The following MZT1 variants were observed in gnomAD, a reference collection of about 807,000 sequenced individuals.
The protein encoded by MZT1 is mitotic-spindle organizing protein 1.
Under a neutral mutation model 8.5 loss-of-function variants are expected in MZT1, and 8 were observed. The observed-to-expected ratio is 0.94, with a 90% CI of 0.55 to 1.70. The LOEUF (loss-of-function observed/expected upper bound fraction) is 1.70. Among genes scored for constraint, MZT1 ranks in the 40% most tolerant of loss-of-function variants. The pLI, the probability that MZT1 is intolerant of heterozygous loss-of-function variation, is 0.00. For missense variants in MZT1, 93 were observed against 108.6 expected (o/e 0.86, Z 0.64); for synonymous variants, 38 against 42.0 (o/e 0.90, Z 0.37).
chr13:72,718,089 C>T (rs1425402710), intron 2 of MZT1, among the ~76,000 whole-genome samples: 1 of 152,154 alleles, frequency 6.6e-6, no homozygotes, highest in Non-Finnish European at 1.5e-5. Flanking sequence ...AGTTTGAAGG[C>T]CAGAAATCCA....
At position 72,709,489 on chromosome 13, in the gene MZT1, G is replaced by T. The variant is rs1401918773; in HGVS notation, c.*833C>A. On this transcript the variant is annotated 3_prime_UTR_variant, in exon 3 of 3. Transcript: ENST00000377818. Reference sequence around the variant, plus strand: ...TGTAATAAAAGTAAATAGGAATTTTGCATGTTTGTTGTTTCATTTTACAAA... The same window carrying T: ...TGTAATAAAAGTAAATAGGAATTTTTCATGTTTGTTGTTTCATTTTACAAA... 1.3e-5 allele frequency: 2 copies of T among 151,922 alleles called. No homozygotes were observed. Among genetic ancestry groups the T allele is most frequent in the Admixed American group, 6.6e-5 (1 of 15,250 alleles). The allele number at this position is 151,922 out of a possible 1,614,324, so 9.4% of individuals were successfully genotyped here.
At chr13:72,725,830 C>T (rs899973768) in intron 1 of MZT1, among the ~76,000 whole-genome samples, 1 of 151,950 alleles carries the variant, frequency 6.6e-6, no homozygotes, top group African/African-American at 2.4e-5. Context: ...AGAAAATAGG[C>T]TAGAAGTGAG....
At position 72,708,907 on chromosome 13, in the gene MZT1, C is replaced by G. The variant is rs1439587112; in HGVS notation, c.*1415G>C. 1.3e-5 allele frequency: 2 copies of G among 148,382 alleles called. No homozygotes were observed. The highest frequency in any genetic ancestry group is 4.9e-5 in the African/African-American group (2 of 40,494). 9.2% of individuals were successfully genotyped at this position (148,382 alleles called of 1,614,324 possible). A position where few individuals can be genotyped will look rare whatever the true frequency, so the allele number is the denominator to read the frequency against. On this transcript the variant is annotated 3_prime_UTR_variant, in exon 3 of 3. Transcript: ENST00000377818. ...AAACCACTTCAGCTTGTCTGAAAAA[C>G]AAAAAATGCTAGTAAAGAGTGAATG...
Position 72,710,012 on chromosome 13 carries a change from T to C in MZT1, c.*310A>G, listed in dbSNP as rs2032472893. On this transcript the variant is annotated 3_prime_UTR_variant, in exon 3 of 3. Coordinates refer to ENST00000377818, the MANE Select transcript of MZT1 (RefSeq NM_001071775.3). The stretch of plus-strand genomic sequence containing the variant: ...TGGCACAGCAGATGTGCACATCTGA[T>C]AGACAGACTGCTTAGAAAATTAAAG... 5.9e-6 allele frequency: 2 copies of C among 341,668 alleles called. No individual in the cohort carries two copies. Among genetic ancestry groups the C allele is most frequent in the Middle Eastern group, 8.5e-4 (1 of 1,180 alleles). The allele number at this position is 341,668 out of a possible 1,614,324, so 21.2% of individuals were successfully genotyped here. A position where few individuals can be genotyped will look rare whatever the true frequency, so the allele number is the denominator to read the frequency against.
Position 72,727,569 on chromosome 13 carries a change from C to CCGCCGCCGCCCCAG in MZT1, c.20_33dup (p.Ala12LeufsTer12). ...GCATTCAGATTCGCCGCCGCGGCCG[C>CCGCCGCCGCCCCAG]CGCCGCCGCCCCAGCACCGCTGCTA... On this transcript the variant is annotated frameshift_variant, in exon 1 of 3. Coordinates refer to ENST00000377818, the MANE Select transcript of MZT1 (RefSeq NM_001071775.3). LOFTEE classifies it high-confidence loss of function. 3.8e-6 allele frequency: 6 copies of CCGCCGCCGCCCCAG among 1,595,870 alleles called. No homozygotes were observed. The highest frequency in any genetic ancestry group is 5.1e-6 in the Non-Finnish European group (6 of 1,168,012).
At chr13:72,715,911 G>A (rs186657601) in intron 2 of MZT1, among the ~76,000 whole-genome samples, 1 of 151,700 alleles carries the variant, frequency 6.6e-6, no homozygotes, top group African/African-American at 2.4e-5. Flanking sequence ...CTGGTCTCCG[G>A]TTTTTTTGTT....
chr13:72,718,898 AT>A, intron 2 of MZT1, 53 bp downstream of exon 2: 2 of 1,483,506 alleles, frequency 1.3e-6, no homozygotes, highest in South Asian at 1.4e-5. Flanking sequence ...ATCATTAATC[AT>A]TTTTCTAAAT....
intron 2 of MZT1, among the ~76,000 whole-genome samples, chr13:72,711,291 G>A (rs1407440901): frequency 6.6e-6 from 1 of 152,132 alleles, no homozygotes; most frequent in African/African-American, 2.4e-5. Flanking sequence ...CTAATCAAAT[G>A]CACTTAATTA....
chr13:72,712,333 T>C (rs1458339305), intron 2 of MZT1, among the ~76,000 whole-genome samples: 2 of 152,158 alleles, frequency 1.3e-5, no homozygotes, highest in African/African-American at 4.8e-5. Context: ...AATAAATATT[T>C]TGTAGAGATG....
intron 1 of MZT1, among the ~76,000 whole-genome samples, chr13:72,719,422 G>T (rs1174192997): frequency 2.0e-5 from 3 of 152,068 alleles, no homozygotes; most frequent in African/African-American, 7.2e-5. Flanking sequence ...CTTTTAAAAT[G>T]CAGTTTAACT....
chr13:72,713,459 C>A (rs1296153528), intron 2 of MZT1, among the ~76,000 whole-genome samples: 2 of 152,146 alleles, frequency 1.3e-5, no homozygotes, highest in East Asian at 3.9e-4. Flanking sequence ...ATAGTATTTG[C>A]ATATAACCTA....
intron 1 of MZT1, among the ~76,000 whole-genome samples, chr13:72,722,165 G>T (rs904416392): frequency 5.3e-5 from 8 of 152,294 alleles, no homozygotes; most frequent in Non-Finnish European, 1.0e-4. Flanking sequence ...AAAGACAGTG[G>T]TTAGGAGTGT....
chr13:72,709,716 CTGTT>C lies in MZT1; in HGVS notation c.*602_*605del, dbSNP rs1157874053. On this transcript the variant is annotated 3_prime_UTR_variant, in exon 3 of 3. Coordinates refer to ENST00000377818, the MANE Select transcript of MZT1 (RefSeq NM_001071775.3). ...TTCACACTATTAGCTGCCCAACAAA[CTGTT>C]TGAAAAACTAAATATTCTTTGTTCA... 1 of 152,038 alleles carries C rather than the reference CTGTT, an allele frequency of 6.6e-6. No homozygotes were observed. The highest frequency in any genetic ancestry group is 1.5e-5 in the Non-Finnish European group (1 of 67,934). 9.4% of individuals were successfully genotyped at this position (152,038 alleles called of 1,614,324 possible).
At chr13:72,714,537 A>G (rs955773351) in intron 2 of MZT1, among the ~76,000 whole-genome samples, 1 of 152,254 alleles carries the variant, frequency 6.6e-6, no homozygotes, top group East Asian at 1.9e-4. Context: ...ACAACATTTC[A>G]GAGATCTAAG....
intron 2 of MZT1, among the ~76,000 whole-genome samples, chr13:72,717,049 A>C (rs1474237220): frequency 6.6e-6 from 1 of 152,104 alleles, no homozygotes; most frequent in African/African-American, 2.4e-5. Context: ...TCTATCACAT[A>C]CCTAATGTCT....
At position 72,727,164 on chromosome 13, in the gene MZT1, G is replaced by C. The variant is rs560738056; in HGVS notation, c.79+360C>G. ...ATCGGGTGGGACGCGGCACGCAGGAGGGAACGGGTGTACTGGGTGGGGTGG... is the reference window on the plus strand; with the variant it reads ...ATCGGGTGGGACGCGGCACGCAGGACGGAACGGGTGTACTGGGTGGGGTGG... On this transcript the variant is annotated intron_variant, in intron 1 of 2. Coordinates refer to ENST00000377818, the MANE Select transcript of MZT1 (RefSeq NM_001071775.3). Among the ~76,000 whole-genome samples, 47 of 152,358 alleles carry C rather than the reference G, an allele frequency of 3.1e-4. No individual in the cohort carries two copies. The South Asian group carries it at 9.5e-3, about 31-fold the overall frequency.
chr13:72,722,212 G>C (rs2032598834), intron 1 of MZT1, among the ~76,000 whole-genome samples: 1 of 152,162 alleles, frequency 6.6e-6, no homozygotes, highest in South Asian at 2.1e-4. Flanking sequence ...TCAAATTCTA[G>C]CTGTAGTATT....
intron 2 of MZT1, among the ~76,000 whole-genome samples, chr13:72,711,341 C>A (rs1277072194): frequency 6.6e-6 from 1 of 152,042 alleles, no homozygotes; most frequent in African/African-American, 2.4e-5. Context: ...TATAAAGTGG[C>A]CTATTTATGG....
At chr13:72,726,129 G>A (rs1213852712) in intron 1 of MZT1, among the ~76,000 whole-genome samples, 17 of 151,122 alleles carry the variant, frequency 1.1e-4, no homozygotes, top group Admixed American at 1.1e-3. Flanking sequence ...CCCTCTGCAA[G>A]TGCTACATAA....
Sources: allele counts gnomAD v4.1 joint callset (sites outside exome capture counted in the v4.1 genomes callset), GRCh38; gene constraint gnomAD v4.1.1; transcripts MANE v1.5; gene names NCBI Gene and HGNC (gene_info 2026-07-23, HGNC 2026-07-21).